The following PM20D2 variants were observed in gnomAD, a reference collection of about 807,000 sequenced individuals.
The protein encoded by PM20D2 is peptidase M20 domain containing 2.
A neutral mutation model predicts 42.9 loss-of-function variants in PM20D2; 33 were observed. The ratio of observed to expected loss-of-function variants is 0.77; its 90% CI spans 0.58 to 1.03. PM20D2 has a LOEUF of 1.03. Among genes scored for constraint, PM20D2 ranks in the 50% least tolerant of loss-of-function variants. The pLI is 0.00. For synonymous variants in PM20D2, 250 were observed against 228.2 expected, an observed-to-expected ratio of 1.10 and a Z score of -0.86; for missense variants, 548 against 557.0, an observed-to-expected ratio of 0.98 and a Z score of 0.16.
the PM20D2 span, chr6:89,105,659 A>G: frequency 1.6e-6 from 1 of 610,898 alleles, no homozygotes; most frequent in Non-Finnish European, 2.7e-6. Flanking sequence ...TCTTCAATAT[A>G]ATATGAATAA....
At chr6:89,102,111 G>A in the PM20D2 span, among the ~76,000 whole-genome samples, 1 of 151,728 alleles carries the variant, frequency 6.6e-6, no homozygotes, top group Non-Finnish European at 1.5e-5. Flanking sequence ...TTTGGAGAAT[G>A]ATAACACCAT....
At chr6:89,152,687 T>C (rs917544877) in intron 2 of PM20D2, among the ~76,000 whole-genome samples, 2 of 152,202 alleles carry the variant, frequency 1.3e-5, no homozygotes, top group African/African-American at 4.8e-5. Context: ...TACAGACTTT[T>C]GATAATAGAA....
intron 1 of PM20D2, among the ~76,000 whole-genome samples, chr6:89,148,090 C>T (rs1770671296): frequency 6.7e-6 from 1 of 149,750 alleles, no homozygotes; most frequent in Non-Finnish European, 1.5e-5. Context: ...AGGCGATCCT[C>T]GTGCTTCAGC....
In PM20D2 at chr6:89,165,055, A is replaced by G. The variant is rs1771373635; in HGVS notation, c.*2792A>G. 1 of 152,018 alleles carries G rather than the reference A, an allele frequency of 6.6e-6. No homozygotes were observed. The highest frequency in any genetic ancestry group is 1.5e-5 in the Non-Finnish European group (1 of 67,978). 9.4% of individuals were successfully genotyped at this position (152,018 alleles called of 1,614,324 possible). A position where few individuals can be genotyped will look rare whatever the true frequency, so the allele number is the denominator to read the frequency against. The stretch of plus-strand genomic sequence containing the variant: ...ACTGAGGGAACATCTGAAAGCTACC[A>G]TCTTGAAAATTTTTGAGGAAGTGTT... On this transcript the variant is annotated 3_prime_UTR_variant, in exon 7 of 7. Transcript: ENST00000275072.
intron 6 of PM20D2, 105 bp from the exon 7 acceptor site, chr6:89,162,004 C>T: frequency 6.7e-7 from 1 of 1,481,792 alleles, no homozygotes; most frequent in Non-Finnish European, 9.3e-7. Context: ...AAATACTGCA[C>T]TGTGGTGGGC....
the PM20D2 span, among the ~76,000 whole-genome samples, chr6:89,110,392 T>G: frequency 2.6e-3 from 402 of 152,318 alleles, 1 homozygote; most frequent in Middle Eastern, 0.01. Context: ...GGTTTCCCAC[T>G]GGTTACTCGG....
At chr6:89,123,459 G>A in the PM20D2 span, among the ~76,000 whole-genome samples, 1 of 152,092 alleles carries the variant, frequency 6.6e-6, no homozygotes, top group Admixed American at 6.6e-5. Context: ...AGTTGCTCAT[G>A]CCTGTAATCT....
the PM20D2 span, chr6:89,105,716 T>C: frequency 1.5e-5 from 6 of 402,598 alleles, no homozygotes; most frequent in Non-Finnish European, 2.6e-5. Context: ...AATGACCCAT[T>C]ATGTTTAGAA....
At chr6:89,098,631 G>T in the PM20D2 span, 1 of 1,613,820 alleles carries the variant, frequency 6.2e-7, no homozygotes, top group South Asian at 1.1e-5. Flanking sequence ...GACCGAAAAT[G>T]AGAATGCTTT....
At chr6:89,123,790 C>T in the PM20D2 span, among the ~76,000 whole-genome samples, 4 of 150,140 alleles carry the variant, frequency 2.7e-5, no homozygotes, top group African/African-American at 9.8e-5. Flanking sequence ...CTGTAATCCC[C>T]GTGCTTTGGG....
upstream of PM20D2, chr6:89,145,966 A>C (rs1378065436): frequency 2.1e-6 from 1 of 466,092 alleles, no homozygotes; most frequent in Non-Finnish European, 3.5e-6. Flanking sequence ...AGCGGCCGCC[A>C]GCGTTTCCCG....
Position 89,153,191 on chromosome 6 carries a change from A to G in PM20D2, c.757+6A>G. On this transcript the variant is annotated splice_donor_region_variant and intron_variant, in intron 3 of 6. Transcript: ENST00000275072. ...ACCAACCTGGAGAGTTCATGGTATG[A>G]ATGTCAAATACCTTCTATAATAGAT... The G allele has an allele frequency of 6.3e-7, 1 of 1,581,980 alleles. No individual in the cohort carries two copies. The highest frequency in any genetic ancestry group is 8.6e-7 in the Non-Finnish European group (1 of 1,165,358).
the PM20D2 span, among the ~76,000 whole-genome samples, chr6:89,124,752 T>TTTTTC: frequency 6.1e-5 from 9 of 148,718 alleles, no homozygotes; most frequent in African/African-American, 2.2e-4. Flanking sequence ...TTTTTTTTTT[T>TTTTTC]CAATTCGGGG....
Position 89,146,410 on chromosome 6 carries a change from C to G in PM20D2, c.266C>G (p.Ala89Gly), listed in dbSNP as rs1291045242. ...PHYQLPTAFR[A>G]EWEPPEARAP... ...TACCAGCTGCCCACGGCCTTCCGCGCCGAGTGGGAGCCGCCGGAGGCCCGG... is the reference window on the plus strand; with the variant it reads ...TACCAGCTGCCCACGGCCTTCCGCGGCGAGTGGGAGCCGCCGGAGGCCCGG... Residue 89 changes from alanine to glycine, a missense_variant, in exon 1 of 7, where the codon GCC becomes GGC. Ala to Gly is a moderately conservative substitution (Grantham distance 60). Coordinates refer to ENST00000275072, the MANE Select transcript of PM20D2 (RefSeq NM_001010853.3). The G allele has an allele frequency of 6.6e-7, 1 of 1,525,420 alleles. No homozygotes were observed. The highest frequency in any genetic ancestry group is 1.4e-5 in the African/African-American group (1 of 71,122). The allele number at this position is 1,525,420 out of a possible 1,614,324, so 94.5% of individuals were successfully genotyped here.
chr6:89,099,095 T>C, the PM20D2 span: 2 of 1,066,792 alleles, frequency 1.9e-6, no homozygotes, highest in South Asian at 1.8e-5. Context: ...TTATGCATGC[T>C]TTTGGTTCAA....
At chr6:89,115,741 A>ATTATCC in the PM20D2 span, among the ~76,000 whole-genome samples, 1 of 147,676 alleles carries the variant, frequency 6.8e-6, no homozygotes, top group African/African-American at 2.5e-5. Context: ...GGTTCACACC[A>ATTATCC]TTATCCTGCC....
At position 89,162,486 on chromosome 6, in the gene PM20D2, T is replaced by C. The variant is rs1771279900; in HGVS notation, c.*223T>C. ...GATTATGATATTACAGGAGCTGGTA[T>C]GTGATGCCATTCTTTCTTTTTTTTT... On this transcript the variant is annotated 3_prime_UTR_variant, in exon 7 of 7. Transcript: ENST00000275072. The C allele has an allele frequency of 2.6e-6, 1 of 384,008 alleles. No homozygotes were observed. The allele number at this position is 384,008 out of a possible 1,614,324, so 23.8% of individuals were successfully genotyped here.
At chr6:89,124,733 G>GTTTTTTTTTTTTTTT in the PM20D2 span, among the ~76,000 whole-genome samples, 2 of 79,554 alleles carry the variant, frequency 2.5e-5, no homozygotes, top group Non-Finnish European at 2.3e-5. Flanking sequence ...TGTTGCTGTT[G>GTTTTTTTTTTTTTTT]TTGTTTTTTT....
chr6:89,155,907 C>T (rs1422913444), intron 4 of PM20D2, among the ~76,000 whole-genome samples: 1 of 146,116 alleles, frequency 6.8e-6, no homozygotes, highest in Admixed American at 7.0e-5. Flanking sequence ...TTTTTTGAGG[C>T]GGAGTCTTGC....
Sources: allele counts gnomAD v4.1 joint callset (sites outside exome capture counted in the v4.1 genomes callset), GRCh38; gene constraint gnomAD v4.1.1; transcripts MANE v1.5; gene names NCBI Gene and HGNC (gene_info 2026-07-23, HGNC 2026-07-21).